Variants in TASOR observed in about 807,000 individuals in gnomAD.
TASOR encodes the protein protein TASOR.
TASOR carries 53 observed loss-of-function variants against 178.6 expected under a neutral mutation model. The observed-to-expected ratio is 0.30, with a 90% CI of 0.24 to 0.37. The LOEUF (loss-of-function observed/expected upper bound fraction) is 0.37. Ranked by LOEUF, TASOR falls within the 10% of genes least tolerant of loss-of-function variation. The pLI is 1.00. For missense variants in TASOR, 1,815 were observed against 1,971.4 expected, an observed-to-expected ratio of 0.92 and a Z score of 1.50; for synonymous variants, 713 against 696.2, an observed-to-expected ratio of 1.02 and a Z score of -0.38.
intron 11 of TASOR, among the ~76,000 whole-genome samples, chr3:56,650,158 T>C (rs2077320409): frequency 6.6e-6 from 1 of 152,234 alleles, no homozygotes; most frequent in Non-Finnish European, 1.5e-5. Context: ...GCATGGCAAC[T>C]GAACACAAAA....
At position 56,670,130 on chromosome 3, in the gene TASOR, C is replaced by G. The variant is rs754089626; in HGVS notation, c.586G>C (p.Glu196Gln). Residue 196 changes from glutamate to glutamine, a missense_variant, in exon 4 of 24, where the codon GAA becomes CAA. Around this residue, in one of 5 missense-constraint regions of TASOR, gnomAD observed 504 missense variants for 645.3 expected, o/e 0.78. Coordinates refer to ENST00000683822, the MANE Select transcript of TASOR (RefSeq NM_001365635.2). ...GACTGACCCACATGTAATCCTTTTTCACATATGGTTTGAACCTAAATTTAA... is the reference window on the plus strand; with the variant it reads ...GACTGACCCACATGTAATCCTTTTTGACATATGGTTTGAACCTAAATTTAA... ...VDRYQVQTIC[E>Q]KGLHVGQSKI... 1 of 1,536,252 alleles carries G rather than the reference C, an allele frequency of 6.5e-7. No individual in the cohort carries two copies. The highest frequency in any genetic ancestry group is 1.3e-5 in the South Asian group (1 of 79,966).
Position 56,638,785 on chromosome 3 carries a change from A to G in TASOR, c.2765-20T>C, listed in dbSNP as rs2077066011. 6.2e-7 allele frequency: 1 copy of G among 1,613,490 alleles called. No individual in the cohort carries two copies. The highest frequency in any genetic ancestry group is 8.5e-7 in the Non-Finnish European group (1 of 1,179,556). Reference sequence around the variant, plus strand: ...TCCCTCCTGAGGGAAAGCATCCATTAGACTCTCTTCAGACATTAGTGATAC... The same window carrying G: ...TCCCTCCTGAGGGAAAGCATCCATTGGACTCTCTTCAGACATTAGTGATAC... On this transcript the variant is annotated intron_variant, in intron 16 of 23. Coordinates refer to ENST00000683822, the MANE Select transcript of TASOR (RefSeq NM_001365635.2).
chr3:56,652,434 GCC>G (rs1311390300), intron 11 of TASOR, among the ~76,000 whole-genome samples: 1 of 151,708 alleles, frequency 6.6e-6, no homozygotes. Flanking sequence ...CGCACCTGTA[GCC>G]CCAGCTACCC....
intron 8 of TASOR, 71 bp from the exon 9 acceptor site, chr3:56,662,561 G>T: frequency 1.7e-6 from 1 of 594,288 alleles, no homozygotes; most frequent in African/African-American, 2.0e-5. Context: ...ACATTTATTA[G>T]AAATGAGACG....
intron 7 of TASOR, chr3:56,664,045 A>G (rs1578272401): frequency 5.8e-6 from 1 of 172,562 alleles, no homozygotes; most frequent in South Asian, 2.0e-4. Context: ...ACAATGATAT[A>G]TAACAGATCA....
chr3:56,623,242 T>C lies in TASOR; in HGVS notation c.4808A>G (p.Asn1603Ser), dbSNP rs888411619. 6 of 1,613,516 alleles carry C rather than the reference T, an allele frequency of 3.7e-6. No homozygotes were observed. Among genetic ancestry groups the C allele is most frequent in the Admixed American group, 3.3e-5 (2 of 60,004 alleles). ...SNFQVYHSQL[N>S]MSHQFSHFNV... is the part of the protein sequence containing the mutation. ...AAAATGACTAAACTGATGGGACATA[T>C]TTAATTGACTATGATAAACCTGAAA... Residue 1603 changes from asparagine to serine, a missense_variant, in exon 24 of 24, where the codon AAT becomes AGT. This residue lies in a region of TASOR where 278 missense variants were observed against 257.1 expected (regional missense o/e 1.08). Coordinates refer to ENST00000683822, the MANE Select transcript of TASOR (RefSeq NM_001365635.2).
chr3:56,640,016 C>T lies in TASOR; in HGVS notation c.2734G>A (p.Glu912Lys), dbSNP rs758657105. 3 of 1,611,304 alleles carry T rather than the reference C, an allele frequency of 1.9e-6. No homozygotes were observed. The East Asian group carries it at 6.7e-5, about 36-fold the overall frequency. ...QSKSNNVEET[E>K]IHWKLIPITG... is the part of the protein sequence containing the mutation. ...ATTGGAATCAGTTTCCAATGTATTT[C>T]AGTCTCTTCAACATTATTTGACTTA... Residue 912 changes from glutamate to lysine, a missense_variant, in exon 16 of 24, where the codon GAA becomes AAA. Coordinates refer to ENST00000683822, the MANE Select transcript of TASOR (RefSeq NM_001365635.2).
chr3:56,641,749 G>A lies in TASOR; in HGVS notation c.2219C>T (p.Ser740Phe). The A allele has an allele frequency of 6.3e-7, 1 of 1,595,760 alleles. No individual in the cohort carries two copies. The highest frequency in any genetic ancestry group is 8.6e-7 in the Non-Finnish European group (1 of 1,168,498). ...TCCAAGTGAGCCAATAGGCTGTGGA[G>A]ACTCTGAGAAAAAGGAAGTCATTGG... ...LSENCHLYEE[S>F]PQPIGSLGHD... Residue 740 changes from serine to phenylalanine, a missense_variant, in exon 15 of 24, where the codon TCT becomes TTT. Ser to Phe is a radical substitution (Grantham distance 155). This residue lies in a region of TASOR where 655 missense variants were observed against 671.1 expected (regional missense o/e 0.98). Transcript: ENST00000683822.
In TASOR at chr3:56,627,681, G is replaced by A; in HGVS notation, c.3931C>T (p.Leu1311=). ...PCVSFAGVDS[L]DDVKNHTYNE... ...TATGTATGATTTTTAACATCATCCA[G>A]GCTATCAACACCAGCAAAACTAACA... Residue 1311 remains leucine, a synonymous_variant, in exon 20 of 24, where the codon CTG becomes TTG. Coordinates refer to ENST00000683822, the MANE Select transcript of TASOR (RefSeq NM_001365635.2). 1 of 1,614,016 alleles carries A rather than the reference G, an allele frequency of 6.2e-7. No individual in the cohort carries two copies. Among genetic ancestry groups the A allele is most frequent in the Admixed American group, 1.7e-5 (1 of 60,018 alleles).
rs926575561 is a variant in TASOR at position 56,663,641 on chromosome 3, T to C, written c.1023-69A>G. 9.0e-6 allele frequency: 11 copies of C among 1,227,678 alleles called. No individual in the cohort carries two copies. In the African/African-American group the frequency reaches 1.7e-4, roughly 19 times the overall value. 76.0% of individuals were successfully genotyped at this position (1,227,678 alleles called of 1,614,324 possible). A position where few individuals can be genotyped will look rare whatever the true frequency, so the allele number is the denominator to read the frequency against. On this transcript the variant is annotated intron_variant, in intron 7 of 23. Coordinates refer to ENST00000683822, the MANE Select transcript of TASOR (RefSeq NM_001365635.2). ...TAATCATAAAAATTAACATGTAAGA[T>C]GATATAAGTGCAATTTTTAATGGCA...
intron 16 of TASOR, among the ~76,000 whole-genome samples, chr3:56,639,708 C>A (rs772037765): frequency 6.6e-6 from 1 of 152,202 alleles, no homozygotes; most frequent in Non-Finnish European, 1.5e-5. Context: ...TGCCAACAGT[C>A]TTCATTCAGC....
chr3:56,658,137 G>A (rs897420906), intron 11 of TASOR, among the ~76,000 whole-genome samples: 1 of 152,168 alleles, frequency 6.6e-6, no homozygotes, highest in Admixed American at 6.5e-5. Flanking sequence ...AGCTATAGAC[G>A]GAATAATCCC....
Position 56,652,987 on chromosome 3 carries a change from G to A in TASOR, c.1369-3930C>T, listed in dbSNP as rs181091321. Among the ~76,000 whole-genome samples, 229 of 152,168 alleles carry A rather than the reference G, an allele frequency of 1.5e-3. 1 individual carries two copies. Among genetic ancestry groups the A allele is most frequent in the African/African-American group, 4.8e-3 (201 of 41,512 alleles). ...GAGTCCTAAAAAGACAGGCCAGGCC[G>A]GGCGCAGTGGCTCACGCCTGTAATC... On this transcript the variant is annotated intron_variant, in intron 11 of 23. Transcript: ENST00000683822.
rs2076707458 is a variant in TASOR at position 56,622,400 on chromosome 3, AAATTT to A, written c.*632_*636del. 1 of 152,424 alleles carries A rather than the reference AAATTT, an allele frequency of 6.6e-6. No homozygotes were observed. The highest frequency in any genetic ancestry group is 2.4e-5 in the African/African-American group (1 of 41,464). 9.4% of individuals were successfully genotyped at this position (152,424 alleles called of 1,614,324 possible). On this transcript the variant is annotated 3_prime_UTR_variant, in exon 24 of 24. Coordinates refer to ENST00000683822, the MANE Select transcript of TASOR (RefSeq NM_001365635.2). ...ACAGAAGCCTATCTTTTGAAATAAA[AAATTT>A]AATTTCATTAAATCAAGGATTGCGC...
rs867566912 is a variant in TASOR at position 56,624,611 on chromosome 3, C to G, written c.4351G>C (p.Asp1451His). Residue 1451 changes from aspartate to histidine, a missense_variant, in exon 23 of 24, where the codon GAT (aspartate) becomes CAT (histidine). By Grantham distance (81) the Asp-to-His change is moderately conservative (BLOSUM62 -1). Coordinates refer to ENST00000683822, the MANE Select transcript of TASOR (RefSeq NM_001365635.2). ...KNIKMLSSYT[D>H]NGIVVATAED... ...GCAGTTGCAACCACTATTCCATTAT[C>G]TGTATAACTGGAAAGCATCTTGATG... The G allele has an allele frequency of 6.2e-7, 1 of 1,613,448 alleles. No homozygotes were observed.
intron 18 of TASOR, among the ~76,000 whole-genome samples, chr3:56,630,160 T>C (rs2076879290): frequency 1.3e-5 from 2 of 151,750 alleles, no homozygotes; most frequent in African/African-American, 4.8e-5. Context: ...AGAGACGGGG[T>C]TTCACCATGT....
intron 16 of TASOR, among the ~76,000 whole-genome samples, chr3:56,639,666 C>T (rs2077083632): frequency 6.6e-6 from 1 of 152,212 alleles, no homozygotes; most frequent in Admixed American, 6.5e-5. Context: ...TTTATCTCTG[C>T]AGCTACCTCA....
chr3:56,644,560 G>A (rs1426497548), intron 14 of TASOR, among the ~76,000 whole-genome samples: 1 of 152,198 alleles, frequency 6.6e-6, no homozygotes, highest in African/African-American at 2.4e-5. Flanking sequence ...AGACATGTGA[G>A]AGAACAGTGG....
rs750408993 is a variant in TASOR, at chr3:56,638,758, A to G, written c.2772T>C (p.Asn924=). ...CCAGCTGGTCTTCTGGGCTTCTTGC[A>G]TTCCCTCCTGAGGGAAAGCATCCAT... ...HWKLIPITGG[N]ARSPEDQLGK... The change falls in exon 17 of 24, where the codon AAT becomes AAC. Residue 924 remains asparagine, a synonymous_variant. Transcript: ENST00000683822. 6.2e-7 allele frequency: 1 copy of G among 1,614,020 alleles called. No individual in the cohort carries two copies. Among genetic ancestry groups the G allele is most frequent in the Non-Finnish European group, 8.5e-7 (1 of 1,179,892 alleles).
Sources: allele counts gnomAD v4.1 joint callset (sites outside exome capture counted in the v4.1 genomes callset), GRCh38; gene constraint gnomAD v4.1.1; regional missense constraint gnomAD v4.1.1; transcripts MANE v1.5; gene names NCBI Gene and HGNC (gene_info 2026-07-23, HGNC 2026-07-21).